The following EPHB2 variants were observed in gnomAD, a reference collection of about 807,000 sequenced individuals.
The protein encoded by EPHB2 is EPH receptor B2, also known as ephrin type-B receptor 2.
EPHB2 carries 18 observed loss-of-function variants against 96.4 expected under a neutral mutation model. The observed-to-expected ratio is 0.19, with a 90% CI of 0.13 to 0.28. The LOEUF is 0.28. Among genes scored for constraint, EPHB2 ranks in the 10% least tolerant of loss-of-function variants. EPHB2 has a pLI of 1.00. For missense variants in EPHB2, 989 were observed against 1,355.4 expected (o/e 0.73, Z 4.25); for synonymous variants, 506 against 534.1 (o/e 0.95, Z 0.72).
chr1:22,886,949 C>T lies in EPHB2; in HGVS notation c.1428+4466C>T, dbSNP rs80153973. Among the ~76,000 whole-genome samples, 219 of 151,990 alleles carry T rather than the reference C, an allele frequency of 1.4e-3. 1 individual carries two copies. Among genetic ancestry groups the T allele is most frequent in the African/African-American group, 4.9e-3 (203 of 41,418 alleles). ...CCAGCAAAGTCTATATTTTAAAGCC[C>T]GGAGGACCCAGGAAATGTGAAGGGT... is the stretch of plus-strand genomic sequence containing the variant. On this transcript the variant is annotated intron_variant, in intron 6 of 15. Coordinates refer to ENST00000374630, the MANE Select transcript of EPHB2 (RefSeq NM_017449.5).
intron 3 of EPHB2, among the ~76,000 whole-genome samples, chr1:22,841,075 C>G (rs1223640006): frequency 1.3e-5 from 2 of 151,712 alleles, no homozygotes; most frequent in Middle Eastern, 3.2e-3. Flanking sequence ...AGGTGCCCAC[C>G]ACATAGCAGG....
intron 3 of EPHB2, among the ~76,000 whole-genome samples, chr1:22,791,835 T>C (rs1443462750): frequency 6.6e-6 from 1 of 152,178 alleles, no homozygotes; most frequent in East Asian, 1.9e-4. Context: ...GCATTGCTGC[T>C]GATATTTGCG....
chr1:22,835,714 C>T (rs893864516), intron 3 of EPHB2: 3 of 152,210 alleles, frequency 2.0e-5, no homozygotes, highest in African/African-American at 7.2e-5. Context: ...GGGTCTGGAG[C>T]ACGGTAAGGG....
chr1:22,778,476 A>G (rs1458832746), intron 1 of EPHB2, among the ~76,000 whole-genome samples: 5 of 152,200 alleles, frequency 3.3e-5, no homozygotes, highest in Non-Finnish European at 7.3e-5. Context: ...ATTGAAAAGC[A>G]AAAGACCAGG....
chr1:22,814,208 A>G (rs1176149983), intron 3 of EPHB2, among the ~76,000 whole-genome samples: 2 of 152,080 alleles, frequency 1.3e-5, no homozygotes, highest in Admixed American at 6.6e-5. Context: ...TACTCACCAC[A>G]TGGATTTGTT....
chr1:22,746,799 G>A (rs1271430640), intron 1 of EPHB2, among the ~76,000 whole-genome samples: 1 of 152,094 alleles, frequency 6.6e-6, no homozygotes, highest in Admixed American at 6.5e-5. Flanking sequence ...GAGGGTGTAG[G>A]GGAGCTGGGA....
At chr1:22,770,902 G>A (rs1014160962) in intron 1 of EPHB2, among the ~76,000 whole-genome samples, 3 of 152,118 alleles carry the variant, frequency 2.0e-5, no homozygotes, top group African/African-American at 7.2e-5. Flanking sequence ...ATAGATGGGT[G>A]GGTGGGTAAG....
In EPHB2 at chr1:22,863,170, C is replaced by A; in HGVS notation, c.945C>A (p.Asp315Glu). ...ATGGCTACTACAGAGCAGACCTGGA[C>A]CCCCTGGACATGCCCTGCACAAGTA... The part of the protein sequence containing the change: ...CRNGYYRADL[D>E]PLDMPCTTIP... Residue 315 changes from aspartate (D) to glutamate (E), a missense_variant, in exon 4 of 16, where the codon GAC becomes GAA. Coordinates refer to ENST00000374630, the MANE Select transcript of EPHB2 (RefSeq NM_017449.5). The A allele has an allele frequency of 6.2e-7, 1 of 1,614,208 alleles. No individual in the cohort carries two copies. Among genetic ancestry groups the A allele is most frequent in the South Asian group, 1.1e-5 (1 of 91,084 alleles).
chr1:22,846,173 A>G lies in EPHB2; in HGVS notation c.812-16864A>G, dbSNP rs1033511168. On this transcript the variant is annotated intron_variant, in intron 3 of 15. Transcript: ENST00000374630. The surrounding 1 kb of genome is among the most constrained non-coding windows in gnomAD (Gnocchi z 4.3). ...GTGGTTCACACCTGTAATCCTAGCA[A>G]TTTGGGAGCCTGTGGCAGGCGGATC... Among the ~76,000 whole-genome samples the G allele has an allele frequency of 1.3e-5, 2 of 152,046 alleles. No individual in the cohort carries two copies. The highest frequency in any genetic ancestry group is 1.9e-4 in the East Asian group (1 of 5,174).
intron 1 of EPHB2, among the ~76,000 whole-genome samples, chr1:22,712,005 C>T (rs1009874679): frequency 1.3e-5 from 2 of 152,214 alleles, no homozygotes; most frequent in South Asian, 4.1e-4. Flanking sequence ...TAATGGTTCT[C>T]ACGTGTACTG....
At chr1:22,840,349 TACC>T (rs1193959920) in intron 3 of EPHB2, among the ~76,000 whole-genome samples, 1 of 152,208 alleles carries the variant, frequency 6.6e-6, no homozygotes, top group East Asian at 1.9e-4. Flanking sequence ...TTGCATACTC[TACC>T]AGGATGATTA....
intron 1 of EPHB2, among the ~76,000 whole-genome samples, chr1:22,717,380 G>A (rs1643321309): frequency 6.6e-6 from 1 of 152,148 alleles, no homozygotes; most frequent in Non-Finnish European, 1.5e-5. Flanking sequence ...GTGCAGGAGG[G>A]GGACACCTGT....
chr1:22,879,136 C>T (rs1183195280), intron 5 of EPHB2, among the ~76,000 whole-genome samples: 1 of 152,170 alleles, frequency 6.6e-6, no homozygotes, highest in East Asian at 1.9e-4. Context: ...GCATCTCTCC[C>T]AGAATCTCTG....
intron 9 of EPHB2, among the ~76,000 whole-genome samples, chr1:22,905,430 G>A: frequency 6.6e-6 from 1 of 152,072 alleles, no homozygotes; most frequent in East Asian, 1.9e-4. Context: ...GGCTCTGGGG[G>A]CCCATTTGGG....
intron 9 of EPHB2, 92 bp from the exon 10 acceptor site, chr1:22,905,895 G>A: frequency 1.3e-6 from 2 of 1,592,776 alleles, no homozygotes; most frequent in Non-Finnish European, 1.7e-6. Flanking sequence ...CATGGGAGTG[G>A]ATTTCCCTCC....
intron 1 of EPHB2, among the ~76,000 whole-genome samples, chr1:22,767,681 C>T (rs965637740): frequency 5.9e-5 from 9 of 152,134 alleles, no homozygotes; most frequent in African/African-American, 2.2e-4. Context: ...GTCCTCCTTC[C>T]CACCACTGGC....
chr1:22,876,554 C>T (rs1344231267), intron 5 of EPHB2, among the ~76,000 whole-genome samples: 1 of 152,192 alleles, frequency 6.6e-6, no homozygotes, highest in African/African-American at 2.4e-5. Flanking sequence ...TCCCCCTGCC[C>T]CTCTCGGCCA....
chr1:22,862,243 G>T (rs1046598245), intron 3 of EPHB2, among the ~76,000 whole-genome samples: 2 of 152,264 alleles, frequency 1.3e-5, no homozygotes, highest in African/African-American at 4.8e-5. Flanking sequence ...CACAGCCCAT[G>T]GGAGAAGCCA....
At chr1:22,816,977 C>T (rs1645083864) in intron 3 of EPHB2, among the ~76,000 whole-genome samples, 1 of 152,216 alleles carries the variant, frequency 6.6e-6, no homozygotes, top group Non-Finnish European at 1.5e-5. Flanking sequence ...GAGCTGCAAG[C>T]AGGCAGGCTG....
Sources: gnomAD v4.1 joint callset for allele counts (sites outside exome capture counted in the v4.1 genomes callset) on GRCh38, gnomAD v4.1.1 for gene constraint, Gnocchi (gnomAD v3.1) non-coding constraint, MANE v1.5 for transcripts, NCBI Gene and HGNC (gene_info 2026-07-23, HGNC 2026-07-21) for gene names.